JAKMIP3: variants seen among roughly 807,000 people sequenced by gnomAD.
JAKMIP3 encodes janus kinase and microtubule-interacting protein 3.
In JAKMIP3, 58 loss-of-function variants were observed where a neutral mutation model predicts 118.5. That is an observed-to-expected ratio of 0.49 (90% CI 0.40 to 0.61). The LOEUF (loss-of-function observed/expected upper bound fraction) is 0.61, where lower values mean the gene tolerates loss of function less well. Among genes scored for constraint, JAKMIP3 ranks in the 20% least tolerant of loss-of-function variants. The pLI is 0.00. For synonymous variants in JAKMIP3, 486 were observed against 451.2 expected, an observed-to-expected ratio of 1.08 and a Z score of -0.98; for missense variants, 950 against 1,109.0, an observed-to-expected ratio of 0.86 and a Z score of 2.04.
intron 19 of JAKMIP3, among the ~76,000 whole-genome samples, chr10:132,154,278 T>C (rs9419210): frequency 0.14 from 21,711 of 152,206 alleles, 3,008 homozygotes; most frequent in East Asian, 0.55. Flanking sequence ...CACAGAAACA[T>C]GCCCGGATTC....
chr10:132,036,769 G>T (rs1323660329), intron 1 of JAKMIP3, among the ~76,000 whole-genome samples: 1 of 151,340 alleles, frequency 6.6e-6, no homozygotes, highest in Non-Finnish European at 1.5e-5. Context: ...GGCCGCGACC[G>T]GGGGCCGGGC....
At position 132,084,302 on chromosome 10, in the gene JAKMIP3, G is replaced by A. The variant is rs139128467; in HGVS notation, c.-138+18241G>A. Among the ~76,000 whole-genome samples the A allele has an allele frequency of 3.3e-3, 506 of 152,254 alleles. 14 individuals are homozygous for A. The East Asian group carries it at 0.066, about 20-fold the overall frequency. ...GTATTTTATTTCTTTTGCAGCTATT[G>A]TAAAAGGGGTTGGGTTCTTGATTTG... is the stretch of plus-strand genomic sequence containing the variant. On this transcript the variant is annotated intron_variant, in intron 1 of 23. Transcript: ENST00000684848.
Position 132,163,238 on chromosome 10 carries a change from T to C in JAKMIP3, c.2250T>C (p.Tyr750=). 3.2e-6 allele frequency: 5 copies of C among 1,572,170 alleles called. No homozygotes were observed. The South Asian group carries it at 5.8e-5, about 18-fold the overall frequency. The change falls in exon 20 of 24, where the codon TAT becomes TAC. Residue 750 remains tyrosine (Y), a synonymous_variant. Coordinates refer to ENST00000684848, the MANE Select transcript of JAKMIP3 (RefSeq NM_001323087.2). ...TCCTGGAGCTGGAAGCCATGCTGTA[T>C]GATGCCCTGCAGCAGGAGGCCGGGG... The part of the protein sequence containing the change: ...KHILELEAML[Y]DALQQEAGAK...
chr10:132,126,302 CTTT>C (rs780754000), intron 3 of JAKMIP3, among the ~76,000 whole-genome samples: 2 of 139,946 alleles, frequency 1.4e-5, no homozygotes, highest in Admixed American at 7.2e-5. Flanking sequence ...TTTGGCAATA[CTTT>C]TTTTTTTTTT....
intron 22 of JAKMIP3, 96 bp from the exon 23 acceptor site, chr10:132,167,857 C>CCTCTCTG: frequency 1.4e-6 from 1 of 731,910 alleles, no homozygotes; most frequent in Non-Finnish European, 2.0e-6. Flanking sequence ...TCGCCCCTCA[C>CCTCTCTG]CCCTCGGCCC....
At chr10:132,152,560 G>A (rs994556544) in intron 16 of JAKMIP3, among the ~76,000 whole-genome samples, 3 of 152,244 alleles carry the variant, frequency 2.0e-5, no homozygotes, top group African/African-American at 7.2e-5. Context: ...CCCAAGTGGT[G>A]TTTTAATAAC....
intron 2 of JAKMIP3, among the ~76,000 whole-genome samples, chr10:132,115,231 C>T (rs952465870): frequency 7.1e-5 from 6 of 84,348 alleles, no homozygotes; most frequent in East Asian, 2.2e-4. Flanking sequence ...GCCGGGTCAC[C>T]GCGATCGCGG....
intron 21 of JAKMIP3, among the ~76,000 whole-genome samples, chr10:132,165,625 C>T (rs924935391): frequency 1.2e-4 from 19 of 152,200 alleles, no homozygotes; most frequent in Non-Finnish European, 2.2e-4. Flanking sequence ...ATGTGCTGGT[C>T]CCGGCCTGAG....
chr10:132,045,363 G>A (rs114710742), intron 1 of JAKMIP3, among the ~76,000 whole-genome samples: 2,113 of 152,102 alleles, frequency 0.014, 54 homozygotes, highest in African/African-American at 0.047. Context: ...CTGTCTCCCC[G>A]GCAGATTTTA....
At chr10:132,042,497 G>A (rs1160525446) in intron 1 of JAKMIP3, among the ~76,000 whole-genome samples, 1 of 152,108 alleles carries the variant, frequency 6.6e-6, no homozygotes, top group Non-Finnish European at 1.5e-5. Context: ...CGTGAGCCAC[G>A]GCGCCTGCTG....
chr10:132,147,536 G>A (rs2054873447), intron 13 of JAKMIP3, among the ~76,000 whole-genome samples: 1 of 152,214 alleles, frequency 6.6e-6, no homozygotes, highest in Non-Finnish European at 1.5e-5. Flanking sequence ...GGAGCCACCT[G>A]GGACATTTAC....
chr10:132,153,319 C>T (rs1292335334), intron 17 of JAKMIP3, among the ~76,000 whole-genome samples: 1 of 152,186 alleles, frequency 6.6e-6, no homozygotes, highest in Non-Finnish European at 1.5e-5. Flanking sequence ...TTCAACTTAC[C>T]CTGACCCCCT....
At chr10:132,136,159 G>GGAGA in intron 6 of JAKMIP3, 83 bp downstream of exon 6, 1 of 1,467,998 alleles carries the variant, frequency 6.8e-7, no homozygotes, top group South Asian at 1.2e-5. Flanking sequence ...GCAAGATTTA[G>GGAGA]CATGACAGCC....
intron 3 of JAKMIP3, among the ~76,000 whole-genome samples, chr10:132,125,772 T>G (rs2049430691): frequency 6.6e-6 from 1 of 152,238 alleles, no homozygotes; most frequent in African/African-American, 2.4e-5. Flanking sequence ...AATATTACTT[T>G]CCAATTATTT....
At chr10:132,082,283 G>A (rs1194471338) in intron 1 of JAKMIP3, among the ~76,000 whole-genome samples, 1 of 151,692 alleles carries the variant, frequency 6.6e-6, no homozygotes, top group African/African-American at 2.4e-5. Flanking sequence ...CGGTTACATG[G>A]GTAAATTGTT....
intron 1 of JAKMIP3, 140 bp from the exon 2 acceptor site, chr10:132,104,532 G>C (rs2045608299): frequency 2.2e-6 from 1 of 445,204 alleles, no homozygotes; most frequent in African/African-American, 2.0e-5. Flanking sequence ...CTGGTTCCCT[G>C]GCCTGCGTCG....
chr10:132,108,720 A>G lies in JAKMIP3; in HGVS notation c.135+3777A>G, dbSNP rs139954909. ...AGCCAAGTGTCATTTAAAACATTCA[A>G]TGCCAGGTGCAGTGGTTCATACCTG... On this transcript the variant is annotated intron_variant, in intron 2 of 23. Coordinates refer to ENST00000684848, the MANE Select transcript of JAKMIP3 (RefSeq NM_001323087.2). Among the ~76,000 whole-genome samples the G allele has an allele frequency of 5.3e-3, 807 of 151,916 alleles. 13 individuals are homozygous for G. The highest frequency in any genetic ancestry group is 0.018 in the African/African-American group (757 of 41,428).
intron 1 of JAKMIP3, among the ~76,000 whole-genome samples, chr10:132,047,308 G>C (rs184400177): frequency 2.6e-5 from 4 of 152,304 alleles, no homozygotes; most frequent in Non-Finnish European, 4.4e-5. Flanking sequence ...ACAGGCCATG[G>C]GTTATAGTGT....
Position 132,117,613 on chromosome 10 carries a change from A to T in JAKMIP3, c.633+39A>T, listed in dbSNP as rs537754740. The stretch of plus-strand genomic sequence containing the variant: ...CAGGGGCGGGCGTGGGCGAGGGTGC[A>T]GGGGCGGGCGTGGGCGAGGGTGCAG... On this transcript the variant is annotated intron_variant, in intron 3 of 23. Coordinates refer to ENST00000684848, the MANE Select transcript of JAKMIP3 (RefSeq NM_001323087.2). The surrounding 1 kb of genome is among the most constrained non-coding windows in gnomAD (Gnocchi z 8.6). 25 of 874,628 alleles carry T rather than the reference A, an allele frequency of 2.9e-5. 1 individual carries two copies. Among genetic ancestry groups the T allele is most frequent in the African/African-American group, 2.7e-4 (15 of 54,628 alleles). The allele number at this position is 874,628 out of a possible 1,614,324, so 54.2% of individuals were successfully genotyped here. A position where few individuals can be genotyped will look rare whatever the true frequency, so the allele number is the denominator to read the frequency against.
Sources: gnomAD v4.1 joint callset for allele counts (sites outside exome capture counted in the v4.1 genomes callset) on GRCh38, gnomAD v4.1.1 for gene constraint, Gnocchi (gnomAD v3.1) non-coding constraint, MANE v1.5 for transcripts, NCBI Gene and HGNC (gene_info 2026-07-23, HGNC 2026-07-21) for gene names.